The following B3GLCT variants were observed in gnomAD, a reference collection of about 807,000 sequenced individuals.
B3GLCT encodes the protein beta 3-glucosyltransferase.
B3GLCT carries 65 observed loss-of-function variants against 63.4 expected under a neutral mutation model. The ratio of observed to expected loss-of-function variants is 1.03; its 90% confidence interval spans 0.84 to 1.26. B3GLCT has a LOEUF of 1.26. Ranked by LOEUF, B3GLCT falls within the 50% of genes most tolerant of loss-of-function variation. The probability of loss-of-function intolerance (pLI) is 0.00; values close to 1 mark genes in which losing one functional copy is unlikely to be tolerated. For missense variants in B3GLCT, 577 were observed against 604.8 expected (o/e 0.95, Z 0.48); for synonymous variants, 233 against 219.2 (o/e 1.06, Z -0.55).
At chr13:31,247,469 T>G (rs1871248234) in intron 5 of B3GLCT, among the ~76,000 whole-genome samples, 1 of 152,078 alleles carries the variant, frequency 6.6e-6, no homozygotes. Context: ...TAGATGAGAT[T>G]TTACCATGTT....
At chr13:31,253,552 T>A (rs557499768) in intron 6 of B3GLCT, among the ~76,000 whole-genome samples, 1 of 124,664 alleles carries the variant, frequency 8.0e-6, no homozygotes, top group East Asian at 2.5e-4. Flanking sequence ...TCTGAGATTG[T>A]GCCACTGCAC....
In B3GLCT at chr13:31,286,719, G is replaced by A; in HGVS notation, c.965-1G>A. 6.2e-7 allele frequency: 1 copy of A among 1,600,098 alleles called. No homozygotes were observed. Among genetic ancestry groups the A allele is most frequent in the Non-Finnish European group, 8.6e-7 (1 of 1,167,742 alleles). On this transcript the variant is annotated splice_acceptor_variant, in intron 11 of 14. Coordinates refer to ENST00000343307, the MANE Select transcript of B3GLCT (RefSeq NM_194318.4). LOFTEE classifies it high-confidence loss of function. The stretch of plus-strand genomic sequence containing the variant: ...GTAAGTTTTTTTCTTGCCTTTTCTA[G>A]GTCATTGTGGAAAGACATTTGCCAT...
intron 3 of B3GLCT, among the ~76,000 whole-genome samples, chr13:31,227,660 T>G (rs1161066879): frequency 1.3e-5 from 2 of 152,258 alleles, no homozygotes; most frequent in Non-Finnish European, 2.9e-5. Context: ...CATTTTAGAT[T>G]ATTTTTAGGA....
At chr13:31,318,469 A>G (rs893502210) in intron 13 of B3GLCT, among the ~76,000 whole-genome samples, 2 of 152,208 alleles carry the variant, frequency 1.3e-5, no homozygotes, top group African/African-American at 2.4e-5. Context: ...CAGTCGTACT[A>G]CAGGCATCCT....
rs781127210 is a variant in B3GLCT, at chr13:31,274,477, T to C, written c.661-32T>C. 3.1e-6 allele frequency: 5 copies of C among 1,614,016 alleles called. No homozygotes were observed. The East Asian group carries it at 1.1e-4, about 36-fold the overall frequency. On this transcript the variant is annotated intron_variant, in intron 8 of 14. Coordinates refer to ENST00000343307, the MANE Select transcript of B3GLCT (RefSeq NM_194318.4). ...CTTATACTTGTGTTGACTGAGTTCTTTCATCACTGCCTGTCTCCTGTCTCG... is the reference window on the plus strand; with the variant it reads ...CTTATACTTGTGTTGACTGAGTTCTCTCATCACTGCCTGTCTCCTGTCTCG...
rs1446401225 is a variant in B3GLCT, at chr13:31,323,913, A to T, written c.1329+18A>T. 2 of 1,613,884 alleles carry T rather than the reference A, an allele frequency of 1.2e-6. No homozygotes were observed. The highest frequency in any genetic ancestry group is 1.7e-6 in the Non-Finnish European group (2 of 1,179,818). ...TCCATCAGGTGAGGAAATGGTTTTT[A>T]TTCTTCCCTCATGGCAGGTGAGGGA... On this transcript the variant is annotated intron_variant, in intron 14 of 14. Coordinates refer to ENST00000343307, the MANE Select transcript of B3GLCT (RefSeq NM_194318.4).
chr13:31,270,673 A>G (rs1282254849), intron 8 of B3GLCT, among the ~76,000 whole-genome samples: 1 of 152,172 alleles, frequency 6.6e-6, no homozygotes, highest in East Asian at 1.9e-4. Context: ...GTCTCCCCAC[A>G]CTAAACTCTC....
At position 31,330,016 on chromosome 13, in the gene B3GLCT, T is replaced by C. The variant is rs1875835944; in HGVS notation, c.*348T>C. ...TTCCTGTTCTGTCTCTTCATTGTAATGGAAGTTTCAGTTGGGCATGAGCCT... is the reference window on the plus strand; with the variant it reads ...TTCCTGTTCTGTCTCTTCATTGTAACGGAAGTTTCAGTTGGGCATGAGCCT... On this transcript the variant is annotated 3_prime_UTR_variant, in exon 15 of 15. Coordinates refer to ENST00000343307, the MANE Select transcript of B3GLCT (RefSeq NM_194318.4). 1 of 311,366 alleles carries C rather than the reference T, an allele frequency of 3.2e-6. No individual in the cohort carries two copies. Among genetic ancestry groups the C allele is most frequent in the Non-Finnish European group, 6.1e-6 (1 of 162,684 alleles). 19.3% of individuals were successfully genotyped at this position (311,366 alleles called of 1,614,324 possible).
At chr13:31,228,652 A>AT (rs751660357) in intron 3 of B3GLCT, among the ~76,000 whole-genome samples, 1 of 152,190 alleles carries the variant, frequency 6.6e-6, no homozygotes, top group Non-Finnish European at 1.5e-5. Flanking sequence ...GTTATATTGG[A>AT]TTAAGGTTCA....
intron 2 of B3GLCT, among the ~76,000 whole-genome samples, chr13:31,216,181 T>C (rs1869552036): frequency 6.6e-6 from 1 of 152,240 alleles, no homozygotes; most frequent in Non-Finnish European, 1.5e-5. Context: ...CTGTTTTAAC[T>C]GTACTATGAG....
chr13:31,217,959 A>G (rs976063827), intron 2 of B3GLCT, among the ~76,000 whole-genome samples: 5 of 152,120 alleles, frequency 3.3e-5, no homozygotes, highest in East Asian at 1.9e-4. Flanking sequence ...TTCTAATTCT[A>G]TGAAAAATGT....
chr13:31,252,047 A>C (rs1047622436), intron 6 of B3GLCT, among the ~76,000 whole-genome samples: 5 of 152,176 alleles, frequency 3.3e-5, no homozygotes, highest in African/African-American at 1.2e-4. Flanking sequence ...GCCAGAAGAG[A>C]GTGTGTGCCA....
intron 6 of B3GLCT, among the ~76,000 whole-genome samples, chr13:31,253,595 C>CA (rs35512327): frequency 0.38 from 7,033 of 18,384 alleles, 2,496 homozygotes; most frequent in Middle Eastern, 0.67. Flanking sequence ...GACTCCATCT[C>CA]AAAAAAAAAA....
chr13:31,240,586 C>A (rs34791086), intron 4 of B3GLCT, among the ~76,000 whole-genome samples: 3 of 150,746 alleles, frequency 2.0e-5, no homozygotes, highest in Non-Finnish European at 4.4e-5. Flanking sequence ...GATGGCCTGG[C>A]GTTTTCTAAT....
intron 2 of B3GLCT, among the ~76,000 whole-genome samples, chr13:31,216,708 T>C (rs916984719): frequency 1.3e-5 from 2 of 152,170 alleles, no homozygotes; most frequent in African/African-American, 4.8e-5. Context: ...GGGTTTTCAT[T>C]TTCTGTTTCT....
chr13:31,214,019 A>G (rs1033535317), intron 1 of B3GLCT, among the ~76,000 whole-genome samples: 4 of 148,890 alleles, frequency 2.7e-5, no homozygotes, highest in Non-Finnish European at 6.0e-5. Context: ...ATTTGAGGCA[A>G]TGGATGTCTG....
chr13:31,247,553 G>A (rs1351699734), intron 5 of B3GLCT, among the ~76,000 whole-genome samples: 3 of 152,162 alleles, frequency 2.0e-5, no homozygotes, highest in Admixed American at 6.5e-5. Context: ...GATAACAGGC[G>A]TGAGCCACCA....
chr13:31,241,046 A>C (rs1019866394), intron 4 of B3GLCT, among the ~76,000 whole-genome samples: 178 of 152,346 alleles, frequency 1.2e-3, no homozygotes, highest in African/African-American at 4.2e-3. Flanking sequence ...AACTTCATGC[A>C]TCACAGGAAA....
chr13:31,213,021 TGTGTGTGTGTGTGTGCACGCGTGCGC>T lies in B3GLCT; in HGVS notation c.71-2019_71-1994del, dbSNP rs375503844. 6.0e-3 allele frequency among the ~76,000 whole-genome samples: 908 copies of T among 151,428 alleles called. 9 individuals carry two copies. The highest frequency in any genetic ancestry group is 0.021 in the African/African-American group (868 of 41,162). On this transcript the variant is annotated intron_variant, in intron 1 of 14. Coordinates refer to ENST00000343307, the MANE Select transcript of B3GLCT (RefSeq NM_194318.4). Reference sequence around the variant, plus strand: ...AACTTGAAGAAATGATTGGGCTTTGTGTGTGTGTGTGTGTGCACGCGTGCGCGTGTGTGTGTATGTGTGTGTAAAGT... The same window carrying T: ...AACTTGAAGAAATGATTGGGCTTTGTGTGTGTGTGTATGTGTGTGTAAAGT...
Sources: gnomAD v4.1 joint callset for allele counts (sites outside exome capture counted in the v4.1 genomes callset) on GRCh38, gnomAD v4.1.1 for gene constraint, MANE v1.5 for transcripts, NCBI Gene and HGNC (gene_info 2026-07-23, HGNC 2026-07-21) for gene names.